The following KIRREL1 variants were observed in gnomAD, a reference collection of about 807,000 sequenced individuals.
The protein encoded by KIRREL1 is kin of IRRE-like protein 1.
A neutral mutation model predicts 83.3 loss-of-function variants in KIRREL1; 25 were observed. The observed-to-expected ratio is 0.30, with a 90% CI of 0.22 to 0.42. KIRREL1 has a LOEUF of 0.42. Ranked by LOEUF, KIRREL1 falls within the 10% of genes least tolerant of loss-of-function variation. KIRREL1 has a pLI of 1.00. For synonymous variants in KIRREL1, 388 were observed against 410.4 expected (o/e 0.95, Z 0.66); for missense variants, 812 against 1,032.3 (o/e 0.79, Z 2.92).
At chr1:158,042,475 C>T (rs1660656491) in intron 1 of KIRREL1, among the ~76,000 whole-genome samples, 1 of 152,128 alleles carries the variant, frequency 6.6e-6, no homozygotes, top group Admixed American at 6.5e-5. Context: ...ACCTGAGCCT[C>T]AGTTTCCACA....
intron 3 of KIRREL1, among the ~76,000 whole-genome samples, chr1:158,082,035 C>T (rs1018934139): frequency 6.6e-6 from 1 of 152,260 alleles, no homozygotes; most frequent in South Asian, 2.1e-4. Context: ...TTATTCATTT[C>T]TCTCCACCTT....
intron 3 of KIRREL1, among the ~76,000 whole-genome samples, chr1:158,082,236 T>A (rs1661882302): frequency 6.6e-6 from 1 of 152,132 alleles, no homozygotes; most frequent in South Asian, 2.1e-4. Context: ...ACACATGCCC[T>A]GCACATCATA....
rs1298426420 is a variant in KIRREL1, at chr1:158,095,423, G to A, written c.*303G>A. On this transcript the variant is annotated 3_prime_UTR_variant, in exon 15 of 15. Transcript: ENST00000359209. ...GTGAAGGTTAGGGAAAGCAGAGGGG[G>A]GCACTTTTTAGCATTCCCTTTCTAT... is the stretch of plus-strand genomic sequence containing the variant. The A allele has an allele frequency of 3.2e-6, 1 of 310,528 alleles. No individual in the cohort carries two copies. The highest frequency in any genetic ancestry group is 9.0e-5 in the South Asian group (1 of 11,094). The allele number at this position is 310,528 out of a possible 1,614,324, so 19.2% of individuals were successfully genotyped here.
chr1:157,997,796 A>G (rs1403244463), intron 1 of KIRREL1, among the ~76,000 whole-genome samples: 1 of 152,222 alleles, frequency 6.6e-6, no homozygotes, highest in Non-Finnish European at 1.5e-5. Context: ...TAACTACTTC[A>G]TATGCATTAT....
At chr1:158,092,098 G>C (rs1048003771) in intron 11 of KIRREL1, among the ~76,000 whole-genome samples, 43 of 152,286 alleles carry the variant, frequency 2.8e-4, no homozygotes, top group African/African-American at 8.9e-4. Context: ...GCATACAATA[G>C]GTGTTCAGTA....
chr1:158,000,679 C>G (rs1305930682), intron 1 of KIRREL1, among the ~76,000 whole-genome samples: 1 of 152,206 alleles, frequency 6.6e-6, no homozygotes, highest in Admixed American at 6.5e-5. Flanking sequence ...AAGCTCCCAG[C>G]TTGTCCTTCC....
At chr1:158,076,377 C>T (rs1661682591) in intron 2 of KIRREL1, 115 bp downstream of exon 2, 3 of 891,952 alleles carry the variant, frequency 3.4e-6, no homozygotes, top group South Asian at 1.5e-5. Flanking sequence ...CTCCTCTGTG[C>T]CACAGCCTCC....
intron 1 of KIRREL1, among the ~76,000 whole-genome samples, chr1:158,064,952 T>TTA (rs1661320391): frequency 6.7e-6 from 1 of 148,306 alleles, no homozygotes; most frequent in African/African-American, 2.5e-5. Context: ...TTTTTTTTTT[T>TTA]AATTTTGAAG....
intron 5 of KIRREL1, 23 bp downstream of exon 5, chr1:158,086,769 T>C: frequency 8.1e-7 from 1 of 1,240,568 alleles, no homozygotes; most frequent in Non-Finnish European, 1.1e-6. Context: ...GGGGGAGCAG[T>C]CTGGAGCAGG....
chr1:158,030,760 T>C (rs1660299436), intron 1 of KIRREL1: 1 of 152,218 alleles, frequency 6.6e-6, no homozygotes, highest in African/African-American at 2.4e-5. Flanking sequence ...GTCTCATACC[T>C]GGAATTTCAT....
chr1:158,089,123 A>C (rs1662112753), intron 8 of KIRREL1, among the ~76,000 whole-genome samples: 2 of 152,298 alleles, frequency 1.3e-5, no homozygotes, highest in East Asian at 3.9e-4. Flanking sequence ...ACAGCTCTGC[A>C]GAGACCCCCA....
At chr1:158,038,176 G>A (rs996419116) in intron 1 of KIRREL1, among the ~76,000 whole-genome samples, 8 of 152,210 alleles carry the variant, frequency 5.3e-5, no homozygotes, top group South Asian at 2.1e-4. Flanking sequence ...GACTCCATCC[G>A]TTCTCCTCAT....
intron 1 of KIRREL1, among the ~76,000 whole-genome samples, chr1:158,019,397 C>G (rs1659936822): frequency 6.6e-6 from 1 of 152,180 alleles, no homozygotes; most frequent in South Asian, 2.1e-4. Context: ...AGTATCATTA[C>G]TACACTCTAA....
rs1662327880 is a variant in KIRREL1, at chr1:158,095,282, G to A, written c.*162G>A. On this transcript the variant is annotated 3_prime_UTR_variant, in exon 15 of 15. Coordinates refer to ENST00000359209, the MANE Select transcript of KIRREL1 (RefSeq NM_018240.7). ...AGGTCTCCCAGAAACACCCCGTCCC[G>A]AGGATGGTGCTCTGTGCATGCCCCA... 3.6e-5 allele frequency: 22 copies of A among 612,624 alleles called. No individual in the cohort carries two copies. In the South Asian group the frequency reaches 4.0e-4, roughly 11 times the overall value. 37.9% of individuals were successfully genotyped at this position (612,624 alleles called of 1,614,324 possible).
chr1:158,079,050 G>T (rs1181327887), intron 3 of KIRREL1, among the ~76,000 whole-genome samples: 3 of 151,972 alleles, frequency 2.0e-5, no homozygotes, highest in African/African-American at 4.8e-5. Context: ...CAGCCCTGTT[G>T]TCTCACTGGG....
At chr1:158,002,783 C>T (rs1242232764) in intron 1 of KIRREL1, among the ~76,000 whole-genome samples, 3 of 152,022 alleles carry the variant, frequency 2.0e-5, no homozygotes, top group African/African-American at 7.2e-5. Flanking sequence ...ATGTGAGGCT[C>T]AGGGGCTGCG....
At chr1:158,069,083 C>T (rs991177579) in intron 1 of KIRREL1, among the ~76,000 whole-genome samples, 1 of 152,150 alleles carries the variant, frequency 6.6e-6, no homozygotes, top group African/African-American at 2.4e-5. Context: ...ATGTGCTTGG[C>T]CCCATTCCCT....
intron 1 of KIRREL1, among the ~76,000 whole-genome samples, chr1:158,070,937 C>T (rs1005121667): frequency 6.6e-6 from 1 of 152,160 alleles, no homozygotes; most frequent in Non-Finnish European, 1.5e-5. Context: ...TATTCACCTG[C>T]CTGCAAACCC....
intron 1 of KIRREL1, among the ~76,000 whole-genome samples, chr1:158,009,033 G>C (rs1659598253): frequency 6.6e-6 from 1 of 152,124 alleles, no homozygotes; most frequent in Non-Finnish European, 1.5e-5. Context: ...AAACAGAAAG[G>C]ACACCCGTCC....
Sources: allele counts gnomAD v4.1 joint callset (sites outside exome capture counted in the v4.1 genomes callset), GRCh38; gene constraint gnomAD v4.1.1; transcripts MANE v1.5; gene names NCBI Gene and HGNC (gene_info 2026-07-23, HGNC 2026-07-21).